Variants in SAMD5 observed in about 807,000 individuals in gnomAD.
The protein encoded by SAMD5 is sterile alpha motif domain-containing protein 5.
A neutral mutation model predicts 11.3 loss-of-function variants in SAMD5; 13 were observed. That is an observed-to-expected ratio of 1.15 (90% CI 0.75 to 1.83). The LOEUF (loss-of-function observed/expected upper bound fraction) is 1.83. SAMD5 is among the 40% of genes most tolerant of loss of function. SAMD5 has a pLI of 0.00. For missense variants in SAMD5, 255 were observed against 239.1 expected (o/e 1.07, Z -0.44); for synonymous variants, 129 against 111.3 (o/e 1.16, Z -1.00).
chr6:147,517,493 G>A (rs991091204), intron 1 of SAMD5, among the ~76,000 whole-genome samples: 21 of 80,128 alleles, frequency 2.6e-4, no homozygotes, highest in African/African-American at 1.6e-3. Flanking sequence ...TAATGATAGG[G>A]GTGTTTGATG....
the SAMD5 span, among the ~76,000 whole-genome samples, chr6:147,906,838 A>G: frequency 6.6e-6 from 1 of 152,186 alleles, no homozygotes; most frequent in Non-Finnish European, 1.5e-5. Context: ...TCCATAGGAG[A>G]GTAACTTTAA....
intron 1 of SAMD5, among the ~76,000 whole-genome samples, chr6:147,544,546 C>G (rs1219372257): frequency 6.6e-6 from 1 of 152,064 alleles, no homozygotes; most frequent in East Asian, 1.9e-4. Context: ...GTCATAGTGT[C>G]CTTGTTACCC....
rs975226708 is a variant in SAMD5 at position 147,565,542 on chromosome 6, T to G, written c.*1086T>G. 10 of 676,398 alleles carry G rather than the reference T, an allele frequency of 1.5e-5. No homozygotes were observed. The African/African-American group carries it at 2.0e-4, about 13-fold the overall frequency. The allele number at this position is 676,398 out of a possible 1,614,324, so 41.9% of individuals were successfully genotyped here. A position where few individuals can be genotyped will look rare whatever the true frequency, so the allele number is the denominator to read the frequency against. ...GGCACAATCTTGGCTCACAGTGACT[T>G]TCGCCTCCCAGGTTCAAGGAATTCT... On this transcript the variant is annotated 3_prime_UTR_variant, in exon 2 of 2. Coordinates refer to ENST00000367474, the MANE Select transcript of SAMD5 (RefSeq NM_001030060.3).
At chr6:147,599,753 G>A (rs1789587818) in intron 1 of SAMD5, among the ~76,000 whole-genome samples, 1 of 152,148 alleles carries the variant, frequency 6.6e-6, no homozygotes. Context: ...TCACTGCTTG[G>A]TAAAGCCAAA....
chr6:147,744,392 A>G, the SAMD5 span, among the ~76,000 whole-genome samples: 2 of 152,364 alleles, frequency 1.3e-5, no homozygotes, highest in South Asian at 4.1e-4. Context: ...AACTTTTTAT[A>G]CAAGGATAAA....
At chr6:147,868,300 G>T in the SAMD5 span, among the ~76,000 whole-genome samples, 2 of 152,124 alleles carry the variant, frequency 1.3e-5, no homozygotes, top group Non-Finnish European at 2.9e-5. Context: ...AGTTTGTCAG[G>T]TTACGAGACA....
chr6:147,840,412 A>G, the SAMD5 span, among the ~76,000 whole-genome samples: 4 of 152,362 alleles, frequency 2.6e-5, no homozygotes, highest in Non-Finnish European at 5.9e-5. Context: ...CAGAGGTTCA[A>G]AAATGCATGT....
the SAMD5 span, among the ~76,000 whole-genome samples, chr6:147,844,020 T>C: frequency 6.6e-6 from 1 of 151,996 alleles, no homozygotes; most frequent in Non-Finnish European, 1.5e-5. Context: ...AAAGCTTCTA[T>C]ACAGGAAAGG....
intron 1 of SAMD5, among the ~76,000 whole-genome samples, chr6:147,702,722 A>G (rs1160629104): frequency 6.6e-6 from 1 of 152,134 alleles, no homozygotes; most frequent in East Asian, 1.9e-4. Flanking sequence ...TGCTCCTAAT[A>G]CTGTTCCATT....
chr6:147,687,251 C>T (rs1272491618), intron 1 of SAMD5, among the ~76,000 whole-genome samples: 3 of 85,738 alleles, frequency 3.5e-5, no homozygotes, highest in South Asian at 5.0e-4. Flanking sequence ...TCTCTCCCTC[C>T]TTCCCTTCCT....
chr6:147,902,787 C>T, the SAMD5 span, among the ~76,000 whole-genome samples: 1 of 152,108 alleles, frequency 6.6e-6, no homozygotes, highest in Admixed American at 6.5e-5. Context: ...TTTTCTGTTC[C>T]TCTCCCAGTT....
chr6:147,934,380 T>G, the SAMD5 span, among the ~76,000 whole-genome samples: 13 of 152,336 alleles, frequency 8.5e-5, no homozygotes, highest in African/African-American at 3.1e-4. Flanking sequence ...TTCATTTATT[T>G]TACTTGGTTC....
the SAMD5 span, among the ~76,000 whole-genome samples, chr6:147,832,190 A>C: frequency 6.6e-6 from 1 of 152,204 alleles, no homozygotes; most frequent in Non-Finnish European, 1.5e-5. Context: ...TATAGAGAGT[A>C]CGTTCAATTA....
rs115502935 is a variant in SAMD5 at position 147,695,358 on chromosome 6, G to A, written c.163-41959G>A. The stretch of plus-strand genomic sequence containing the variant: ...AACCCTCTAAAAATCAAAAGCCTTC[G>A]TTACGCTTAGGCCAACCGTGCATAT... On this transcript the variant is annotated intron_variant, in intron 1 of 1. Coordinates refer to the SAMD5 transcript ENST00000566741. 3.8e-3 allele frequency among the ~76,000 whole-genome samples: 584 copies of A among 151,874 alleles called. 1 individual carries two copies. The highest frequency in any genetic ancestry group is 0.013 in the African/African-American group (555 of 41,364).
At chr6:147,585,189 C>T (rs932561959) in intron 1 of SAMD5, among the ~76,000 whole-genome samples, 2 of 152,038 alleles carry the variant, frequency 1.3e-5, no homozygotes, top group African/African-American at 2.4e-5. Context: ...AATATCATGG[C>T]GCTTAGATGG....
intron 1 of SAMD5, among the ~76,000 whole-genome samples, chr6:147,719,282 T>A (rs535216463): frequency 3.3e-5 from 5 of 152,302 alleles, no homozygotes; most frequent in African/African-American, 1.2e-4. Flanking sequence ...TATGAGTACT[T>A]CTTTTTTTTC....
At chr6:147,776,347 T>C in the SAMD5 span, among the ~76,000 whole-genome samples, 30 of 152,326 alleles carry the variant, frequency 2.0e-4, 1 homozygote, top group South Asian at 1.0e-3. Flanking sequence ...TGGGCCAGTA[T>C]TTTAACTGCA....
At chr6:147,861,710 G>A in the SAMD5 span, among the ~76,000 whole-genome samples, 1 of 152,096 alleles carries the variant, frequency 6.6e-6, no homozygotes, top group Non-Finnish European at 1.5e-5. Context: ...ATTTCTGCTG[G>A]TGCCTCCCTC....
chr6:147,600,211 A>T (rs1490238028), intron 1 of SAMD5, among the ~76,000 whole-genome samples: 1 of 152,126 alleles, frequency 6.6e-6, no homozygotes, highest in African/African-American at 2.4e-5. Context: ...TTCCTCATGG[A>T]TATTCTATTT....
Sources: allele counts gnomAD v4.1 joint callset (sites outside exome capture counted in the v4.1 genomes callset), GRCh38; gene constraint gnomAD v4.1.1; transcripts MANE v1.5; gene names NCBI Gene and HGNC (gene_info 2026-07-23, HGNC 2026-07-21).